Variants in PCED1B observed in about 807,000 individuals in gnomAD.
PCED1B encodes PC-esterase domain-containing protein 1B.
For synonymous variants in PCED1B, 251 were observed against 246.1 expected (o/e 1.02, Z -0.19); for missense variants, 573 against 573.9 (o/e 1.00, Z 0.02).
chr12:47,221,561 A>G (rs1313110160), intron 3 of PCED1B, among the ~76,000 whole-genome samples: 1 of 152,214 alleles, frequency 6.6e-6, no homozygotes, highest in African/African-American at 2.4e-5. Context: ...AGTCATCAAA[A>G]ATAAAAATGA....
At chr12:47,129,511 T>A (rs1322513647) in intron 2 of PCED1B, among the ~76,000 whole-genome samples, 4 of 151,900 alleles carry the variant, frequency 2.6e-5, no homozygotes, top group African/African-American at 9.7e-5. Context: ...AATAATAAAA[T>A]TTTAAAAATA....
At chr12:47,119,026 C>G (rs555489511) in intron 2 of PCED1B, among the ~76,000 whole-genome samples, 2 of 152,120 alleles carry the variant, frequency 1.3e-5, no homozygotes, top group East Asian at 3.9e-4. Flanking sequence ...TTGGTACTGG[C>G]ATAAGGATAG....
At chr12:47,126,518 T>C (rs1298689480) in intron 2 of PCED1B, among the ~76,000 whole-genome samples, 1 of 152,160 alleles carries the variant, frequency 6.6e-6, no homozygotes, top group African/African-American at 2.4e-5. Flanking sequence ...TGGCCTGCTA[T>C]GAGTTGGGAA....
intron 2 of PCED1B, chr12:47,135,849 G>A (rs1390452207): frequency 8.8e-6 from 4 of 456,676 alleles, no homozygotes; most frequent in Non-Finnish European, 1.7e-5. Flanking sequence ...CTCATGGTTG[G>A]TGGAGCGGCC....
At chr12:47,177,712 G>GA (rs1472523080) in intron 2 of PCED1B, among the ~76,000 whole-genome samples, 1 of 152,174 alleles carries the variant, frequency 6.6e-6, no homozygotes, top group Non-Finnish European at 1.5e-5. Context: ...CCAGCACTTT[G>GA]GGAGGCCAAG....
At chr12:47,123,144 T>G (rs1163075292) in intron 2 of PCED1B, among the ~76,000 whole-genome samples, 1 of 152,162 alleles carries the variant, frequency 6.6e-6, no homozygotes, top group Non-Finnish European at 1.5e-5. Flanking sequence ...GATTGTTAGT[T>G]TTCCACAAAA....
chr12:47,217,217 A>G (rs1323018614), intron 3 of PCED1B, among the ~76,000 whole-genome samples: 3 of 152,004 alleles, frequency 2.0e-5, no homozygotes, highest in African/African-American at 7.3e-5. Flanking sequence ...CCTGGACAAC[A>G]TGATGAAACC....
chr12:47,211,861 G>A (rs1466530027), intron 2 of PCED1B, among the ~76,000 whole-genome samples: 2 of 151,564 alleles, frequency 1.3e-5, no homozygotes, highest in African/African-American at 4.8e-5. Flanking sequence ...GGATCACGAG[G>A]TCAGGAGATC....
intron 1 of PCED1B, among the ~76,000 whole-genome samples, chr12:47,098,532 GA>G (rs1224144559): frequency 1.3e-5 from 2 of 152,136 alleles, no homozygotes; most frequent in African/African-American, 2.4e-5. Flanking sequence ...GCCCAGGCTG[GA>G]GTGCAGTGGC....
intron 2 of PCED1B, among the ~76,000 whole-genome samples, chr12:47,197,196 A>G (rs574796547): frequency 5.8e-4 from 77 of 132,338 alleles, no homozygotes; most frequent in Non-Finnish European, 7.6e-4. Flanking sequence ...CTGAGGTTGC[A>G]CCACTGCACT....
chr12:47,206,050 T>G (rs1330782391), intron 2 of PCED1B: 7 of 152,240 alleles, frequency 4.6e-5, no homozygotes, highest in Non-Finnish European at 7.3e-5. Flanking sequence ...CGAAGCTGTC[T>G]TCTTGCGCTG....
chr12:47,226,909 C>T (rs113572940), intron 3 of PCED1B, among the ~76,000 whole-genome samples: 2,567 of 152,036 alleles, frequency 0.017, 44 homozygotes, highest in South Asian at 0.029. Flanking sequence ...TGGATGCTAT[C>T]GACATTTTTT....
intron 2 of PCED1B, among the ~76,000 whole-genome samples, chr12:47,125,095 G>A (rs1024094811): frequency 1.3e-5 from 2 of 151,982 alleles, no homozygotes; most frequent in Admixed American, 1.3e-4. Context: ...CCTAACTCAA[G>A]TTCATAAAGG....
intron 2 of PCED1B, among the ~76,000 whole-genome samples, chr12:47,166,267 A>AT (rs1240874427): frequency 6.6e-6 from 1 of 152,048 alleles, no homozygotes. Flanking sequence ...AATAATTGTA[A>AT]TTTTTCACTT....
intron 2 of PCED1B, among the ~76,000 whole-genome samples, chr12:47,145,501 A>G (rs1400687026): frequency 1.3e-5 from 2 of 152,218 alleles, no homozygotes; most frequent in Non-Finnish European, 2.9e-5. Context: ...GCTAGAGAGA[A>G]GTCAGTGCCT....
chr12:47,091,235 G>A (rs548469296), intron 1 of PCED1B, among the ~76,000 whole-genome samples: 5 of 151,976 alleles, frequency 3.3e-5, no homozygotes, highest in South Asian at 2.1e-4. Flanking sequence ...AGCCATTTTC[G>A]TGGATAGCAA....
At position 47,235,468 on chromosome 12, in the gene PCED1B, C is replaced by G. The variant is rs760667702; in HGVS notation, c.405C>G (p.Ser135=). The change falls in exon 4 of 4, where the codon TCC becomes TCG. Residue 135 remains serine, a synonymous_variant. Transcript: ENST00000546455. ...LWDISRYGPN[S]WRSYLENLEN... ...ACATCTCCAGGTATGGTCCGAACTC[C>G]TGGAGAAGCTACCTGGAGAACCTGG... The G allele has an allele frequency of 4.6e-5, 75 of 1,613,882 alleles. No homozygotes were observed. Among genetic ancestry groups the G allele is most frequent in the Non-Finnish European group, 5.8e-5 (68 of 1,179,944 alleles).
At chr12:47,130,456 C>G (rs1475932459) in intron 2 of PCED1B, among the ~76,000 whole-genome samples, 4 of 152,090 alleles carry the variant, frequency 2.6e-5, no homozygotes, top group African/African-American at 9.7e-5. Flanking sequence ...GTAAGAGGAT[C>G]ACTTAAGGTT....
Position 47,167,522 on chromosome 12 carries a change from G to T in PCED1B, c.-525-48700G>T, listed in dbSNP as rs139096845. The stretch of plus-strand genomic sequence containing the variant: ...CCAGAGTTGTCAGGGGAAAGAGCCA[G>T]TTGTCTTTGAATCCTGCACATGGAC... On this transcript the variant is annotated intron_variant, in intron 2 of 3. Transcript: ENST00000546455. Among the ~76,000 whole-genome samples, 510 of 152,246 alleles carry T rather than the reference G, an allele frequency of 3.3e-3. 1 individual carries two copies. Among genetic ancestry groups the T allele is most frequent in the Non-Finnish European group, 4.8e-3 (328 of 68,022 alleles).
Sources: allele counts gnomAD v4.1 joint callset (sites outside exome capture counted in the v4.1 genomes callset), GRCh38; gene constraint gnomAD v4.1.1; transcripts MANE v1.5; gene names NCBI Gene and HGNC (gene_info 2026-07-23, HGNC 2026-07-21).